UNC13C: variants seen among roughly 807,000 people sequenced by gnomAD.
UNC13C encodes unc-13 homolog C, also known as protein unc-13 homolog C.
In UNC13C, 174 loss-of-function variants were observed where a neutral mutation model predicts 245.4. That is an observed-to-expected ratio of 0.71 (90% CI 0.63 to 0.80). The LOEUF (loss-of-function observed/expected upper bound fraction) is 0.80, where lower values mean the gene tolerates loss of function less well. Ranked by LOEUF, UNC13C falls within the 30% of genes least tolerant of loss-of-function variation. The probability of loss-of-function intolerance (pLI) is 0.00; values close to 1 mark genes in which losing one functional copy is unlikely to be tolerated. For missense variants in UNC13C, 2,829 were observed against 2,602.9 expected (o/e 1.09, Z -1.89); for synonymous variants, 992 against 895.1 (o/e 1.11, Z -1.93).
At chr15:53,973,638 A>C (rs1893608964), upstream of UNC13C, among the ~76,000 whole-genome samples, 1 of 151,990 alleles carries the variant, frequency 6.6e-6, no homozygotes, top group South Asian at 2.1e-4. Flanking sequence ...GGTCATCCAA[A>C]TGCTGTGTCT....
chr15:54,028,613 C>T (rs981471836), intron 2 of UNC13C, among the ~76,000 whole-genome samples: 11 of 151,788 alleles, frequency 7.2e-5, no homozygotes, highest in Middle Eastern at 6.8e-3. Context: ...TCCCAGTGCC[C>T]GCCAGTGGTC....
chr15:54,606,679 G>A (rs1298141129), intron 30 of UNC13C, among the ~76,000 whole-genome samples: 1 of 152,166 alleles, frequency 6.6e-6, no homozygotes, highest in Non-Finnish European at 1.5e-5. Flanking sequence ...TTTCCAATGA[G>A]GAACTAAGAG....
chr15:54,028,684 C>CTTT (rs58264883), intron 2 of UNC13C, among the ~76,000 whole-genome samples: 1,856 of 87,060 alleles, frequency 0.021, 257 homozygotes, highest in African/African-American at 0.071. Flanking sequence ...GCCTACAAGT[C>CTTT]TTTTTTTTTT....
At chr15:54,531,699 C>A (rs1432312354) in intron 25 of UNC13C, among the ~76,000 whole-genome samples, 1 of 151,160 alleles carries the variant, frequency 6.6e-6, no homozygotes, top group Non-Finnish European at 1.5e-5. Context: ...CCATAAAATT[C>A]TCCCATTTCA....
At chr15:53,890,358 G>C in the UNC13C span, among the ~76,000 whole-genome samples, 183 of 152,170 alleles carry the variant, frequency 1.2e-3, no homozygotes, top group African/African-American at 4.3e-3. Context: ...AGCCAGGATG[G>C]TCTCAATCTC....
chr15:54,017,469 A>G (rs549896519), intron 2 of UNC13C, among the ~76,000 whole-genome samples: 3 of 150,588 alleles, frequency 2.0e-5, no homozygotes, highest in Non-Finnish European at 4.4e-5. Flanking sequence ...AATGAAGACT[A>G]AGAAGTGCAT....
At chr15:54,151,526 C>A (rs568680478) in intron 4 of UNC13C, among the ~76,000 whole-genome samples, 11 of 152,110 alleles carry the variant, frequency 7.2e-5, no homozygotes, top group Non-Finnish European at 1.5e-4. Flanking sequence ...CCTCAGCCTC[C>A]CGAGTAGATG....
At chr15:54,059,179 G>C (rs894099639) in intron 2 of UNC13C, among the ~76,000 whole-genome samples, 4 of 147,884 alleles carry the variant, frequency 2.7e-5, no homozygotes, top group East Asian at 2.0e-4. Flanking sequence ...AATTGTCCCT[G>C]TTTGCAGAGG....
chr15:54,302,966 G>T (rs2037626570), intron 13 of UNC13C, among the ~76,000 whole-genome samples: 1 of 151,974 alleles, frequency 6.6e-6, no homozygotes, highest in Non-Finnish European at 1.5e-5. Context: ...TACTGATAGA[G>T]AAATTGTGCA....
chr15:54,175,012 G>A (rs2033557551), intron 4 of UNC13C, among the ~76,000 whole-genome samples: 1 of 152,136 alleles, frequency 6.6e-6, no homozygotes, highest in Non-Finnish European at 1.5e-5. Flanking sequence ...CCTTGCACTC[G>A]CCTAAGCATG....
At chr15:53,858,094 A>G in the UNC13C span, among the ~76,000 whole-genome samples, 1 of 152,208 alleles carries the variant, frequency 6.6e-6, no homozygotes, top group African/African-American at 2.4e-5. Context: ...TTTAACCTCT[A>G]TATGAATGTC....
chr15:54,047,647 A>G (rs116483428), intron 2 of UNC13C, among the ~76,000 whole-genome samples: 1 of 152,108 alleles, frequency 6.6e-6, no homozygotes, highest in Non-Finnish European at 1.5e-5. Flanking sequence ...TTATCCATTC[A>G]CGATAGATAT....
intron 2 of UNC13C, among the ~76,000 whole-genome samples, chr15:54,051,182 C>T (rs984034056): frequency 2.6e-5 from 4 of 152,084 alleles, no homozygotes; most frequent in Admixed American, 1.3e-4. Context: ...GAAAGGTTTT[C>T]CCCACACTCA....
At chr15:54,263,672 A>G (rs1255621563) in intron 8 of UNC13C, among the ~76,000 whole-genome samples, 2 of 144,798 alleles carry the variant, frequency 1.4e-5, no homozygotes, top group Admixed American at 6.7e-5. Context: ...AAACAGCTCA[A>G]TCATTTTCTT....
At chr15:54,373,562 GCCACAAGCAGCTT>G (rs1000977557) in intron 17 of UNC13C, among the ~76,000 whole-genome samples, 9 of 152,050 alleles carry the variant, frequency 5.9e-5, no homozygotes, top group African/African-American at 2.2e-4. Context: ...GTCCAGGCTT[GCCACAAGCAGCTT>G]CCACTGCTGG....
rs112093934 is a variant in UNC13C, at chr15:54,240,161, T to TAA, written c.3228+2479_3228+2480dup. ...CTCCTTTAGTTTCAGAAGGCTTCAG[T>TAA]AAAAAAAAACTGTGTTGGTGTTGAA... On this transcript the variant is annotated intron_variant, in intron 7 of 32. Transcript: ENST00000260323. Among the ~76,000 whole-genome samples, 900 of 151,398 alleles carry TAA rather than the reference T, an allele frequency of 5.9e-3. 14 individuals are homozygous for TAA. The highest frequency in any genetic ancestry group is 0.019 in the African/African-American group (791 of 41,216).
At chr15:54,177,550 G>A (rs867654954) in intron 4 of UNC13C, among the ~76,000 whole-genome samples, 4 of 152,100 alleles carry the variant, frequency 2.6e-5, no homozygotes, top group East Asian at 1.9e-4. Flanking sequence ...CCAGTGGAAA[G>A]GAATACCAGA....
intron 4 of UNC13C, among the ~76,000 whole-genome samples, chr15:54,218,570 G>A (rs1009428546): frequency 5.3e-5 from 8 of 151,964 alleles, no homozygotes; most frequent in Admixed American, 5.3e-4. Context: ...CTCAAAGACA[G>A]AAGTTGAAAG....
intron 19 of UNC13C, among the ~76,000 whole-genome samples, chr15:54,430,724 A>T (rs2040854716): frequency 6.6e-6 from 1 of 151,770 alleles, no homozygotes; most frequent in Non-Finnish European, 1.5e-5. Context: ...TTTAAAACAC[A>T]TTTTGTTTTC....
Sources: gnomAD v4.1 joint callset for allele counts (sites outside exome capture counted in the v4.1 genomes callset) on GRCh38, gnomAD v4.1.1 for gene constraint, MANE v1.5 for transcripts, NCBI Gene and HGNC (gene_info 2026-07-23, HGNC 2026-07-21) for gene names.